The following LAMP5 variants were observed in gnomAD, a reference collection of about 807,000 sequenced individuals.
LAMP5 encodes lysosome-associated membrane glycoprotein 5.
LAMP5 carries 36 observed loss-of-function variants against 30.2 expected under a neutral mutation model. The ratio of observed to expected loss-of-function variants is 1.19; its 90% CI spans 0.91 to 1.57. The LOEUF is 1.57. Ranked by LOEUF, LAMP5 falls within the 40% of genes most tolerant of loss-of-function variation. LAMP5 has a pLI of 0.00. For synonymous variants in LAMP5, 149 were observed against 134.6 expected, an observed-to-expected ratio of 1.11 and a Z score of -0.74; for missense variants, 377 against 354.9, an observed-to-expected ratio of 1.06 and a Z score of -0.50.
intron 2 of LAMP5, 44 bp from the exon 3 acceptor site, chr20:9,515,956 G>C (rs971159746): frequency 3.4e-6 from 5 of 1,459,898 alleles, no homozygotes; most frequent in South Asian, 3.1e-5. Flanking sequence ...CCCCCGCCCC[G>C]GGGCCGGGCG....
At chr20:9,517,513 C>T (rs2045049496) in intron 4 of LAMP5, among the ~76,000 whole-genome samples, 1 of 151,816 alleles carries the variant, frequency 6.6e-6, no homozygotes, top group African/African-American at 2.4e-5. Flanking sequence ...CCATAGATCA[C>T]CACAGCCTGG....
At position 9,518,170 on chromosome 20, in the gene LAMP5, C is replaced by G; in HGVS notation, c.606C>G (p.Ile202Met). Residue 202 changes from isoleucine (I) to methionine (M), a missense_variant, in exon 5 of 6, where the codon ATC becomes ATG. By Grantham distance (10) the Ile-to-Met change is conservative (BLOSUM62 1). Coordinates refer to ENST00000246070, the MANE Select transcript of LAMP5 (RefSeq NM_012261.4). ...ATCCGCAGAAGACGGTCACCATGAT[C>G]CTGTCTGCGGTCCACATCCAACCTT... The part of the protein sequence containing the change: ...SSDPQKTVTM[I>M]LSAVHIQPFD... 1 of 1,614,178 alleles carries G rather than the reference C, an allele frequency of 6.2e-7. No homozygotes were observed. The highest frequency in any genetic ancestry group is 8.5e-7 in the Non-Finnish European group (1 of 1,180,012).
chr20:9,517,617 A>ATGTGTG (rs1360512633), intron 4 of LAMP5, among the ~76,000 whole-genome samples: 2 of 79,064 alleles, frequency 2.5e-5, no homozygotes, highest in East Asian at 2.6e-4. Context: ...AATTTTGTAA[A>ATGTGTG]TGTATGTGTG....
Position 9,515,948 on chromosome 20 carries a change from C to T in LAMP5, c.238-52C>T, listed in dbSNP as rs1265578979. On this transcript the variant is annotated intron_variant, in intron 2 of 5. Coordinates refer to ENST00000246070, the MANE Select transcript of LAMP5 (RefSeq NM_012261.4). ...TTTGGACGCGCCGCCCTTTACAGCCCCCGCCCCGGGGCCGGGCGAGCTGAG... is the reference window on the plus strand; with the variant it reads ...TTTGGACGCGCCGCCCTTTACAGCCTCCGCCCCGGGGCCGGGCGAGCTGAG... 2.1e-6 allele frequency: 3 copies of T among 1,446,910 alleles called. No homozygotes were observed. The South Asian group carries it at 4.7e-5, about 23-fold the overall frequency. The allele number at this position is 1,446,910 out of a possible 1,614,324, so 89.6% of individuals were successfully genotyped here. A position where few individuals can be genotyped will look rare whatever the true frequency, so the allele number is the denominator to read the frequency against.
chr20:9,523,412 A>G (rs2045091917), intron 5 of LAMP5, among the ~76,000 whole-genome samples: 1 of 152,050 alleles, frequency 6.6e-6, no homozygotes, highest in Admixed American at 6.5e-5. Flanking sequence ...TGGGGGTGCA[A>G]TGAAGCGCTC....
intron 2 of LAMP5, 42 bp from the exon 3 acceptor site, chr20:9,515,958 G>T: frequency 4.1e-6 from 6 of 1,464,006 alleles, no homozygotes; most frequent in Non-Finnish European, 5.4e-6. Context: ...CCCGCCCCGG[G>T]GCCGGGCGAG....
intron 5 of LAMP5, among the ~76,000 whole-genome samples, chr20:9,526,995 C>G (rs533723091): frequency 1.3e-5 from 2 of 150,694 alleles, no homozygotes; most frequent in Admixed American, 6.6e-5. Context: ...ACCTGTGAAG[C>G]CATCACCACA....
At chr20:9,518,498 T>C (rs1456452698) in intron 5 of LAMP5, among the ~76,000 whole-genome samples, 1 of 152,216 alleles carries the variant, frequency 6.6e-6, no homozygotes, top group African/African-American at 2.4e-5. Flanking sequence ...GTTTCCTCCT[T>C]CTTCTTTTCT....
intron 5 of LAMP5, among the ~76,000 whole-genome samples, chr20:9,523,715 A>G (rs1339152420): frequency 6.6e-6 from 1 of 152,036 alleles, no homozygotes; most frequent in Non-Finnish European, 1.5e-5. Flanking sequence ...GAGCAAAGGC[A>G]TGAGGGATCC....
chr20:9,517,250 G>A (rs1272576045), intron 4 of LAMP5, among the ~76,000 whole-genome samples: 2 of 152,124 alleles, frequency 1.3e-5, no homozygotes, highest in African/African-American at 2.4e-5. Flanking sequence ...ATCAAACTTA[G>A]GTCAGAAAAA....
chr20:9,524,826 GC>G (rs2045102744), intron 5 of LAMP5, among the ~76,000 whole-genome samples: 1 of 152,144 alleles, frequency 6.6e-6, no homozygotes, highest in African/African-American at 2.4e-5. Flanking sequence ...ACTACAAGCA[GC>G]CTCACATTAG....
At chr20:9,517,990 A>AG in intron 4 of LAMP5, 50 bp from the exon 5 acceptor site, 1 of 917,602 alleles carries the variant, frequency 1.1e-6, no homozygotes, top group Non-Finnish European at 1.5e-6. Context: ...CTGGCACATT[A>AG]GGTTAGGAAC....
chr20:9,521,539 T>C (rs1285004017), intron 5 of LAMP5, among the ~76,000 whole-genome samples: 2 of 152,252 alleles, frequency 1.3e-5, no homozygotes, highest in Non-Finnish European at 2.9e-5. Flanking sequence ...ACAGAGGCCA[T>C]CTTTGGCTCA....
chr20:9,515,472 G>T lies in LAMP5; in HGVS notation c.84G>T (p.Met28Ile), dbSNP rs760301818. 6.2e-7 allele frequency: 1 copy of T among 1,613,976 alleles called. No individual in the cohort carries two copies. The highest frequency in any genetic ancestry group is 1.1e-5 in the South Asian group (1 of 91,038). ...LMLFHTMAQI[M>I]AEQEVENLSG... Reference sequence around the variant, plus strand: ...CCGCAGATACAATGGCTCAAATCATGGCAGAACAAGAAGTGGAAAATCTCT... The same window carrying T: ...CCGCAGATACAATGGCTCAAATCATTGCAGAACAAGAAGTGGAAAATCTCT... The change falls in exon 2 of 6, where the codon ATG becomes ATT. Residue 28 changes from methionine (M) to isoleucine (I), a missense_variant. Transcript: ENST00000246070.
At chr20:9,518,896 C>T (rs2045061261) in intron 5 of LAMP5, among the ~76,000 whole-genome samples, 1 of 99,892 alleles carries the variant, frequency 1.0e-5, no homozygotes, top group African/African-American at 3.7e-5. Context: ...TCCTTAAGCT[C>T]CAGGGAGGGA....
chr20:9,526,534 T>C (rs1439036225), intron 5 of LAMP5, among the ~76,000 whole-genome samples: 1 of 152,180 alleles, frequency 6.6e-6, no homozygotes, highest in African/African-American at 2.4e-5. Context: ...GCTGGCATCA[T>C]GAAGTTCTAG....
intron 5 of LAMP5, 119 bp from the exon 6 acceptor site, chr20:9,529,523 A>C (rs2045135809): frequency 1.1e-5 from 12 of 1,048,022 alleles, no homozygotes; most frequent in Non-Finnish European, 1.6e-5. Context: ...ATTTCTGAAA[A>C]ATAGTCCCAA....
intron 1 of LAMP5, 58 bp downstream of exon 1, chr20:9,514,974 C>A (rs1184909278): frequency 1.4e-6 from 2 of 1,471,342 alleles, no homozygotes; most frequent in African/African-American, 1.4e-5. Flanking sequence ...GAGAACAGAG[C>A]CGGCAAAGTA....
chr20:9,516,244 C>A lies in LAMP5; in HGVS notation c.370-12C>A, dbSNP rs766597437. 1.9e-6 allele frequency: 3 copies of A among 1,614,026 alleles called. No homozygotes were observed. The South Asian group carries it at 3.3e-5, about 18-fold the overall frequency. ...GCGGGGACGATTGAAGCGCACCTCC[C>A]CGGCTCAACAGGAAAGCCACAACAT... On this transcript the variant is annotated splice_polypyrimidine_tract_variant and intron_variant, in intron 3 of 5. Transcript: ENST00000246070.
Sources: allele counts gnomAD v4.1 joint callset (sites outside exome capture counted in the v4.1 genomes callset), GRCh38; gene constraint gnomAD v4.1.1; transcripts MANE v1.5; gene names NCBI Gene and HGNC (gene_info 2026-07-23, HGNC 2026-07-21).